The following MSR1 variants were observed in gnomAD, a reference collection of about 807,000 sequenced individuals.
The protein encoded by MSR1 is macrophage scavenger receptor 1.
Under a neutral mutation model 47.2 loss-of-function variants are expected in MSR1, and 53 were observed. The observed-to-expected ratio is 1.12, with a 90% CI of 0.90 to 1.41. MSR1 has a LOEUF of 1.41. MSR1 is among the 40% of genes most tolerant of loss of function. The pLI is 0.00. For missense variants in MSR1, 786 were observed against 546.9 expected (o/e 1.44, Z -4.36); for synonymous variants, 239 against 185.6 (o/e 1.29, Z -2.34).
At chr8:16,191,826 G>A (rs931655455) in intron 1 of MSR1, among the ~76,000 whole-genome samples, 2 of 152,164 alleles carry the variant, frequency 1.3e-5, no homozygotes, top group East Asian at 3.9e-4. Flanking sequence ...TATGCTGTGT[G>A]AATCTTACTT....
chr8:16,164,637 A>C (rs1376995283), intron 4 of MSR1, among the ~76,000 whole-genome samples: 1 of 152,108 alleles, frequency 6.6e-6, no homozygotes, highest in Middle Eastern at 3.4e-3. Context: ...AATTTCGTGA[A>C]TTTGATAGAT....
intron 8 of MSR1, among the ~76,000 whole-genome samples, chr8:16,132,555 T>C (rs1254366401): frequency 1.3e-5 from 2 of 152,126 alleles, no homozygotes; most frequent in African/African-American, 4.8e-5. Flanking sequence ...TGGCATGATC[T>C]TGGCTCACTG....
intron 8 of MSR1, chr8:16,141,008 G>A: frequency 6.2e-7 from 1 of 1,613,910 alleles, no homozygotes; most frequent in Non-Finnish European, 8.5e-7. Flanking sequence ...GATCTTAAGA[G>A]GGCCCTGCCC....
chr8:16,114,468 C>G (rs1347717740), intron 9 of MSR1, among the ~76,000 whole-genome samples: 1 of 152,052 alleles, frequency 6.6e-6, no homozygotes, highest in Admixed American at 6.6e-5. Flanking sequence ...ATACCTGGAA[C>G]AAATTCTTGG....
chr8:16,128,289 A>T lies in MSR1; in HGVS notation c.1034-7683T>A, dbSNP rs534125783. ...CAATATTCGTATGCTGAAGTCCCCA[A>T]TGTGACTATATTTAAAGATAGAGGC... is the stretch of plus-strand genomic sequence containing the variant. On this transcript the variant is annotated intron_variant, in intron 8 of 9. Coordinates refer to ENST00000262101, the MANE Select transcript of MSR1 (RefSeq NM_138715.3). Among the ~76,000 whole-genome samples the T allele has an allele frequency of 1.5e-4, 23 of 152,190 alleles. No individual in the cohort carries two copies. In the South Asian group the frequency reaches 2.9e-3, roughly 19 times the overall value.
intron 3 of MSR1, among the ~76,000 whole-genome samples, chr8:16,173,790 A>T (rs1005961360): frequency 1.3e-5 from 2 of 152,000 alleles, no homozygotes; most frequent in African/African-American, 4.8e-5. Flanking sequence ...CTGGGACTAC[A>T]GGCACCCGCC....
rs773338351 is a variant in MSR1 at position 16,186,207 on chromosome 8, A to C, written c.-5+6391T>G. ...ACTGATGATTGCACTGAGATAGCACATCCAGGGGAGTTTTATTTATTTCTG... is the reference window on the plus strand; with the variant it reads ...ACTGATGATTGCACTGAGATAGCACCTCCAGGGGAGTTTTATTTATTTCTG... On this transcript the variant is annotated intron_variant, in intron 1 of 9. Coordinates refer to ENST00000262101, the MANE Select transcript of MSR1 (RefSeq NM_138715.3). The C allele has an allele frequency of 8.5e-6, 13 of 1,535,380 alleles. No individual in the cohort carries two copies. In the South Asian group the frequency reaches 1.3e-4, roughly 15 times the overall value.
chr8:16,151,104 G>A (rs539370463), intron 6 of MSR1, among the ~76,000 whole-genome samples: 2 of 151,972 alleles, frequency 1.3e-5, no homozygotes, highest in Admixed American at 1.3e-4. Flanking sequence ...AACAGTTTAG[G>A]CATCTTATTT....
intron 7 of MSR1, among the ~76,000 whole-genome samples, chr8:16,146,046 T>C (rs1311870957): frequency 6.6e-6 from 1 of 152,104 alleles, no homozygotes; most frequent in African/African-American, 2.4e-5. Flanking sequence ...AATAACATCA[T>C]CATGATTTCA....
chr8:16,121,356 T>C (rs1450670177), intron 8 of MSR1, among the ~76,000 whole-genome samples: 1 of 152,138 alleles, frequency 6.6e-6, no homozygotes, highest in East Asian at 1.9e-4. Flanking sequence ...AATGACCATA[T>C]GTACAATAAA....
At chr8:16,158,121 G>A (rs1029964015) in intron 5 of MSR1, among the ~76,000 whole-genome samples, 1 of 151,704 alleles carries the variant, frequency 6.6e-6, no homozygotes, top group Non-Finnish European at 1.5e-5. Flanking sequence ...AAAAAAAATG[G>A]GTTAATATTG....
intron 5 of MSR1, among the ~76,000 whole-genome samples, chr8:16,162,057 C>A (rs1373795459): frequency 6.6e-6 from 1 of 151,896 alleles, no homozygotes; most frequent in Admixed American, 6.6e-5. Context: ...TGGTTATATT[C>A]CCAAACTGAT....
intron 8 of MSR1, among the ~76,000 whole-genome samples, chr8:16,137,832 T>C (rs1013395236): frequency 2.6e-5 from 4 of 152,018 alleles, no homozygotes; most frequent in South Asian, 2.1e-4. Context: ...TTTTTATTTT[T>C]ATTTTTTTAA....
chr8:16,142,093 G>T (rs909782158), intron 8 of MSR1, among the ~76,000 whole-genome samples: 1 of 152,142 alleles, frequency 6.6e-6, no homozygotes, highest in Non-Finnish European at 1.5e-5. Context: ...CACTTTGGGA[G>T]GCTGAGGTGG....
chr8:16,115,419 A>G (rs1799855622), intron 9 of MSR1, among the ~76,000 whole-genome samples: 2 of 152,088 alleles, frequency 1.3e-5, no homozygotes, highest in Non-Finnish European at 2.9e-5. Context: ...GGAGGAGTGA[A>G]AAAATCAGGA....
chr8:16,184,884 T>C (rs1023084492), intron 1 of MSR1, among the ~76,000 whole-genome samples: 7 of 152,110 alleles, frequency 4.6e-5, no homozygotes, highest in Non-Finnish European at 1.0e-4. Flanking sequence ...CTTGGGAAGA[T>C]TTATTTAATC....
chr8:16,142,005 G>A (rs935745681), intron 8 of MSR1, among the ~76,000 whole-genome samples: 1 of 152,028 alleles, frequency 6.6e-6, no homozygotes, highest in Non-Finnish European at 1.5e-5. Flanking sequence ...GGAGTGAAAA[G>A]GAGAAAGAAA....
intron 1 of MSR1, among the ~76,000 whole-genome samples, chr8:16,182,427 C>G (rs1801860227): frequency 6.6e-6 from 1 of 152,028 alleles, no homozygotes; most frequent in African/African-American, 2.4e-5. Flanking sequence ...TTTACAGTAC[C>G]TTTAATACTT....
chr8:16,153,501 C>A (rs1384834386), intron 6 of MSR1, among the ~76,000 whole-genome samples: 1 of 151,642 alleles, frequency 6.6e-6, no homozygotes, highest in Non-Finnish European at 1.5e-5. Flanking sequence ...CCAAAAGCAA[C>A]AAATTATGAC....
Sources: gnomAD v4.1 joint callset for allele counts (sites outside exome capture counted in the v4.1 genomes callset) on GRCh38, gnomAD v4.1.1 for gene constraint, MANE v1.5 for transcripts, NCBI Gene and HGNC (gene_info 2026-07-23, HGNC 2026-07-21) for gene names.